Variants in MIGA1 observed in about 807,000 individuals in gnomAD.
MIGA1 encodes the protein family with sequence similarity 73, member A.
Under a neutral mutation model 82.0 loss-of-function variants are expected in MIGA1, and 58 were observed. That is an observed-to-expected ratio of 0.71 (90% CI 0.57 to 0.88). MIGA1 has a LOEUF of 0.88. MIGA1 is among the 40% of genes least tolerant of loss of function. The probability of loss-of-function intolerance (pLI) is 0.00; values close to 1 mark genes in which losing one functional copy is unlikely to be tolerated. For missense variants in MIGA1, 751 were observed against 749.1 expected (o/e 1.00, Z -0.03); for synonymous variants, 249 against 253.6 (o/e 0.98, Z 0.17).
chr1:77,806,989 T>A lies in MIGA1; in HGVS notation c.525T>A (p.Asn175Lys), dbSNP rs781227653. The change falls in exon 5 of 16, where the codon AAT becomes AAA. Residue 175 changes from asparagine (N) to lysine (K), a missense_variant. Asn to Lys is a moderately conservative substitution (Grantham distance 94). Transcript: ENST00000370791. ...CTTAATTTTAGGTCCAGAGTGTCAA[T>A]TCTTGTCATAGCTGCGCTTGTGGCA... 1.2e-6 allele frequency: 2 copies of A among 1,612,074 alleles called. No individual in the cohort carries two copies. The highest frequency in any genetic ancestry group is 8.5e-7 in the Non-Finnish European group (1 of 1,178,710).
chr1:77,833,092 A>G (rs2101862212), intron 7 of MIGA1, among the ~76,000 whole-genome samples: 1 of 152,338 alleles, frequency 6.6e-6, no homozygotes, highest in South Asian at 2.1e-4. Flanking sequence ...ACTTGGCAAC[A>G]AGAGGAAATA....
intron 8 of MIGA1, 102 bp from the exon 9 acceptor site, chr1:77,858,835 GT>G: frequency 1.5e-6 from 1 of 676,554 alleles, no homozygotes; most frequent in Non-Finnish European, 2.6e-6. Context: ...ACCCAGGCTG[GT>G]TTCAAACTTC....
chr1:77,789,861 A>T (rs974298126), intron 2 of MIGA1, among the ~76,000 whole-genome samples: 1 of 152,098 alleles, frequency 6.6e-6, no homozygotes, highest in Non-Finnish European at 1.5e-5. Context: ...TAAAGACAAC[A>T]AACTAGGTAC....
chr1:77,791,251 A>AC (rs1335377030), intron 2 of MIGA1, among the ~76,000 whole-genome samples: 2 of 150,808 alleles, frequency 1.3e-5, no homozygotes, highest in African/African-American at 4.9e-5. Flanking sequence ...CTTAAAAAAA[A>AC]AAAAAAAAAA....
intron 7 of MIGA1, among the ~76,000 whole-genome samples, chr1:77,821,476 A>T (rs1452861975): frequency 6.6e-6 from 1 of 151,498 alleles, no homozygotes; most frequent in African/African-American, 2.4e-5. Context: ...GCTCACCGCA[A>T]TCTCTGCCTC....
intron 8 of MIGA1, 77 bp from the exon 9 acceptor site, chr1:77,858,861 C>A: frequency 2.6e-6 from 2 of 777,196 alleles, no homozygotes; most frequent in South Asian, 1.7e-5. Flanking sequence ...TTCAAATGAT[C>A]CTCCCAAAGT....
intron 1 of MIGA1, 73 bp from the exon 2 acceptor site, chr1:77,783,165 A>G (rs1681999066): frequency 1.0e-6 from 1 of 992,244 alleles, no homozygotes; most frequent in Non-Finnish European, 1.5e-6. Context: ...TTAAATTTTC[A>G]GTTTGTACCT....
chr1:77,863,663 A>G (rs558769665), intron 12 of MIGA1, among the ~76,000 whole-genome samples: 8 of 152,344 alleles, frequency 5.3e-5, no homozygotes, highest in African/African-American at 1.9e-4. Context: ...GACTCCTAGA[A>G]TAGAGAGGAG....
intron 14 of MIGA1, among the ~76,000 whole-genome samples, chr1:77,869,478 G>C (rs1318622544): frequency 7.3e-6 from 1 of 137,830 alleles, no homozygotes; most frequent in African/African-American, 2.7e-5. Context: ...AGACGGGGTC[G>C]TGGCCGGGCA....
intron 2 of MIGA1, among the ~76,000 whole-genome samples, chr1:77,800,320 T>C (rs2101745640): frequency 6.6e-6 from 1 of 152,338 alleles, no homozygotes; most frequent in South Asian, 2.1e-4. Flanking sequence ...GAAACGATGC[T>C]TGCTGACCTC....
intron 4 of MIGA1, among the ~76,000 whole-genome samples, chr1:77,804,622 A>ATT (rs112712682): frequency 9.7e-5 from 14 of 143,882 alleles, no homozygotes; most frequent in Admixed American, 2.1e-4. Context: ...AACATTAACA[A>ATT]TTTTTTTTTT....
intron 12 of MIGA1, among the ~76,000 whole-genome samples, chr1:77,862,475 C>T (rs1167498306): frequency 8.2e-6 from 1 of 122,678 alleles, no homozygotes; most frequent in African/African-American, 3.1e-5. Flanking sequence ...GATATCGGTC[C>T]GGCATGGTGG....
intron 2 of MIGA1, among the ~76,000 whole-genome samples, chr1:77,794,811 G>A (rs1233170693): frequency 1.3e-5 from 2 of 151,794 alleles, no homozygotes; most frequent in Non-Finnish European, 2.9e-5. Flanking sequence ...TTGAAAAAAG[G>A]CACACACACA....
intron 2 of MIGA1, among the ~76,000 whole-genome samples, chr1:77,792,140 A>G (rs1420643372): frequency 1.3e-5 from 2 of 152,208 alleles, no homozygotes; most frequent in Non-Finnish European, 2.9e-5. Context: ...TGTCTCCAAA[A>G]GACCATTTCA....
At chr1:77,788,083 A>G (rs1682251161) in intron 2 of MIGA1, among the ~76,000 whole-genome samples, 1 of 151,590 alleles carries the variant, frequency 6.6e-6, no homozygotes, top group Non-Finnish European at 1.5e-5. Context: ...GCTCACTGCA[A>G]CCTCCGCCTC....
chr1:77,868,944 T>TTTA (rs1685783870), intron 14 of MIGA1, among the ~76,000 whole-genome samples: 1 of 136,440 alleles, frequency 7.3e-6, no homozygotes, highest in African/African-American at 3.5e-5. Context: ...TTATTTATTT[T>TTTA]TTTTTTTTAT....
At chr1:77,804,294 A>G (rs1683002210) in intron 4 of MIGA1, among the ~76,000 whole-genome samples, 1 of 152,184 alleles carries the variant, frequency 6.6e-6, no homozygotes, top group Non-Finnish European at 1.5e-5. Context: ...TATTTGGAGC[A>G]TTACTATTAA....
At chr1:77,812,755 A>T (rs972318889) in intron 5 of MIGA1, among the ~76,000 whole-genome samples, 3 of 150,810 alleles carry the variant, frequency 2.0e-5, no homozygotes, top group African/African-American at 4.9e-5. Flanking sequence ...TCACATGTTC[A>T]TTTTTTTTTC....
chr1:77,835,549 T>C (rs1328075897), intron 7 of MIGA1, among the ~76,000 whole-genome samples: 1 of 152,232 alleles, frequency 6.6e-6, no homozygotes, highest in African/African-American at 2.4e-5. Flanking sequence ...CTTTTTAAAA[T>C]GAACTTCTAA....
Sources: gnomAD v4.1 joint callset for allele counts (sites outside exome capture counted in the v4.1 genomes callset) on GRCh38, gnomAD v4.1.1 for gene constraint, MANE v1.5 for transcripts, NCBI Gene and HGNC (gene_info 2026-07-23, HGNC 2026-07-21) for gene names.